The following KLF12 variants were observed in gnomAD, a reference collection of about 807,000 sequenced individuals.
The protein encoded by KLF12 is KLF transcription factor 12, also known as Krueppel-like factor 12.
KLF12 carries 9 observed loss-of-function variants against 37.8 expected under a neutral mutation model. The ratio of observed to expected loss-of-function variants is 0.24; its 90% confidence interval spans 0.14 to 0.42. The LOEUF is 0.42. KLF12 is among the 10% of genes least tolerant of loss of function. KLF12 has a pLI of 1.00. For missense variants in KLF12, 411 were observed against 516.0 expected (o/e 0.80, Z 1.97); for synonymous variants, 208 against 202.1 (o/e 1.03, Z -0.25).
At chr13:73,745,320 T>C (rs1425674667) in intron 6 of KLF12, among the ~76,000 whole-genome samples, 1 of 152,144 alleles carries the variant, frequency 6.6e-6, no homozygotes, top group African/African-American at 2.4e-5. Context: ...CATGACGTTG[T>C]GAAAGAGCTC....
At chr13:73,805,610 A>AAGGGAGGG (rs1175434136) in intron 5 of KLF12, among the ~76,000 whole-genome samples, 37 of 67,046 alleles carry the variant, frequency 5.5e-4, no homozygotes, top group Non-Finnish European at 6.1e-4. Context: ...TGTCAGAAGG[A>AAGGGAGGG]AGGGAGGGAG....
chr13:74,167,223 A>G, the KLF12 span, among the ~76,000 whole-genome samples: 1 of 152,376 alleles, frequency 6.6e-6, no homozygotes, highest in African/African-American at 2.4e-5. Context: ...GCATTAAAGC[A>G]TAATTTAACT....
At chr13:73,715,100 ATAGCC>A (rs1369774110) in intron 7 of KLF12, among the ~76,000 whole-genome samples, 3 of 152,140 alleles carry the variant, frequency 2.0e-5, no homozygotes, top group African/African-American at 7.2e-5. Flanking sequence ...TTTAAAACTG[ATAGCC>A]TATATAATGA....
chr13:74,296,614 C>T, the KLF12 span, among the ~76,000 whole-genome samples: 5 of 152,130 alleles, frequency 3.3e-5, no homozygotes, highest in South Asian at 2.1e-4. Flanking sequence ...GAAAAAGTCA[C>T]GAAGCAATCT....
intron 3 of KLF12, among the ~76,000 whole-genome samples, chr13:73,854,452 C>T (rs1193381240): frequency 6.6e-6 from 1 of 152,180 alleles, no homozygotes; most frequent in East Asian, 1.9e-4. Context: ...AGAAAGAAAA[C>T]TTGACCTCAG....
chr13:74,049,913 C>A (rs1271124042), intron 1 of KLF12, among the ~76,000 whole-genome samples: 1 of 152,188 alleles, frequency 6.6e-6, no homozygotes, highest in Non-Finnish European at 1.5e-5. Context: ...CTGTTGCTTG[C>A]CATCTGAACT....
chr13:73,795,151 T>A (rs1354698436), intron 5 of KLF12, among the ~76,000 whole-genome samples: 1 of 152,226 alleles, frequency 6.6e-6, no homozygotes, highest in Non-Finnish European at 1.5e-5. Context: ...GAATCTTATT[T>A]TTCCCCATGA....
chr13:74,192,040 C>G, the KLF12 span, among the ~76,000 whole-genome samples: 2 of 151,952 alleles, frequency 1.3e-5, no homozygotes, highest in Non-Finnish European at 2.9e-5. Flanking sequence ...CCTCAACAGT[C>G]ACATTCAAAC....
the KLF12 span, among the ~76,000 whole-genome samples, chr13:74,201,305 A>G: frequency 6.6e-6 from 1 of 152,172 alleles, no homozygotes; most frequent in African/African-American, 2.4e-5. Flanking sequence ...ACCAGTCTGT[A>G]TTGGTCACAT....
intron 5 of KLF12, among the ~76,000 whole-genome samples, chr13:73,778,317 G>A (rs1350419356): frequency 6.6e-6 from 1 of 152,140 alleles, no homozygotes; most frequent in Non-Finnish European, 1.5e-5. Context: ...TAAAGCAAGA[G>A]CTTCCATGAA....
chr13:74,220,864 G>T, the KLF12 span, among the ~76,000 whole-genome samples: 1 of 152,028 alleles, frequency 6.6e-6, no homozygotes, highest in Non-Finnish European at 1.5e-5. Flanking sequence ...TTTAAACGCC[G>T]AATAGCATTC....
chr13:74,001,911 T>G (rs1892290292), intron 1 of KLF12, among the ~76,000 whole-genome samples: 1 of 152,248 alleles, frequency 6.6e-6, no homozygotes, highest in African/African-American at 2.4e-5. Context: ...GAAGACAAAG[T>G]ATTTTAGGAA....
intron 2 of KLF12, among the ~76,000 whole-genome samples, chr13:73,978,144 T>A (rs1041876475): frequency 1.3e-5 from 2 of 151,786 alleles, no homozygotes; most frequent in African/African-American, 4.8e-5. Context: ...AAATGAAAAA[T>A]TTTTGCTATG....
Position 73,688,133 on chromosome 13 carries a change from G to C in KLF12, c.*7357C>G, listed in dbSNP as rs955106974. The C allele has an allele frequency of 2.6e-5, 4 of 152,552 alleles. No homozygotes were observed. Among genetic ancestry groups the C allele is most frequent in the Non-Finnish European group, 5.9e-5 (4 of 68,016 alleles). 9.4% of individuals were successfully genotyped at this position (152,552 alleles called of 1,614,324 possible). ...ATTTTCAGAAACAGAAACACTATGA[G>C]AAATGACATTCTCTTAATGTTTTCT... On this transcript the variant is annotated 3_prime_UTR_variant, in exon 8 of 8. Transcript: ENST00000377669.
intron 6 of KLF12, among the ~76,000 whole-genome samples, chr13:73,723,497 C>A (rs1359792225): frequency 6.9e-6 from 1 of 144,916 alleles, no homozygotes; most frequent in East Asian, 1.9e-4. Flanking sequence ...ATTACATAAA[C>A]CTTAAAAAAA....
intron 1 of KLF12, among the ~76,000 whole-genome samples, chr13:74,021,735 C>A (rs1892846819): frequency 6.6e-6 from 1 of 152,194 alleles, no homozygotes; most frequent in South Asian, 2.1e-4. Flanking sequence ...AAGGACAAAT[C>A]TCACTGATAG....
intron 1 of KLF12, among the ~76,000 whole-genome samples, chr13:74,074,233 C>A (rs1874437699): frequency 6.6e-6 from 1 of 152,066 alleles, no homozygotes; most frequent in African/African-American, 2.4e-5. Context: ...TTCGGTATGT[C>A]AAGTCAACTC....
intron 3 of KLF12, among the ~76,000 whole-genome samples, chr13:73,866,902 T>C (rs1005151127): frequency 1.1e-4 from 17 of 151,570 alleles, no homozygotes; most frequent in Non-Finnish European, 1.9e-4. Flanking sequence ...GGGGAATTTA[T>C]AGAGTTAAAA....
chr13:73,904,029 A>G lies in KLF12; in HGVS notation c.123+39952T>C, dbSNP rs140330075. On this transcript the variant is annotated intron_variant, in intron 3 of 7. Coordinates refer to ENST00000377669, the MANE Select transcript of KLF12 (RefSeq NM_007249.5). ...ACTGCTGCACTAGTGAACATGAGGC[A>G]GCAGTTGGCATCAAGGATGACCATA... 3.7e-3 allele frequency among the ~76,000 whole-genome samples: 564 copies of G among 152,312 alleles called. 2 individuals carry two copies. The highest frequency in any genetic ancestry group is 0.013 in the African/African-American group (528 of 41,564).
Sources: gnomAD v4.1 joint callset for allele counts (sites outside exome capture counted in the v4.1 genomes callset) on GRCh38, gnomAD v4.1.1 for gene constraint, MANE v1.5 for transcripts, NCBI Gene and HGNC (gene_info 2026-07-23, HGNC 2026-07-21) for gene names.